The following ZBTB7C variants were observed in gnomAD, a reference collection of about 807,000 sequenced individuals.
ZBTB7C encodes zinc finger and BTB domain-containing protein 7C.
In ZBTB7C, 8 loss-of-function variants were observed where a neutral mutation model predicts 25.7. The observed-to-expected ratio is 0.31, with a 90% CI of 0.18 to 0.56. The LOEUF (loss-of-function observed/expected upper bound fraction) is 0.56, where lower values mean the gene tolerates loss of function less well. Ranked by LOEUF, ZBTB7C falls within the 20% of genes least tolerant of loss-of-function variation. The pLI, the probability that ZBTB7C is intolerant of heterozygous loss-of-function variation, is 0.91. For synonymous variants in ZBTB7C, 394 were observed against 369.0 expected (o/e 1.07, Z -0.78); for missense variants, 824 against 855.2 (o/e 0.96, Z 0.46).
At chr18:48,152,750 T>C (rs549477158) in intron 3 of ZBTB7C, among the ~76,000 whole-genome samples, 6 of 152,370 alleles carry the variant, frequency 3.9e-5, no homozygotes, top group Admixed American at 2.0e-4. Context: ...TTTCCAGAGC[T>C]GTCTCTTGCA....
intron 1 of ZBTB7C, among the ~76,000 whole-genome samples, chr18:48,407,541 C>G (rs2048308447): frequency 6.6e-6 from 1 of 152,186 alleles, no homozygotes; most frequent in Non-Finnish European, 1.5e-5. Flanking sequence ...CAAGCCCTAC[C>G]AGGCCTTGCC....
chr18:48,135,780 TC>T (rs1269165458), intron 3 of ZBTB7C, among the ~76,000 whole-genome samples: 1 of 152,170 alleles, frequency 6.6e-6, no homozygotes, highest in Non-Finnish European at 1.5e-5. Context: ...TTCTATCTCA[TC>T]TGGAGAAACT....
chr18:48,305,080 G>T (rs1324616913), intron 2 of ZBTB7C, among the ~76,000 whole-genome samples: 1 of 152,122 alleles, frequency 6.6e-6, no homozygotes, highest in African/African-American at 2.4e-5. Flanking sequence ...CCCCAGGTGC[G>T]CGGGGCCTGC....
chr18:48,185,271 C>A (rs957602394), intron 3 of ZBTB7C: 2 of 425,166 alleles, frequency 4.7e-6, no homozygotes, highest in Non-Finnish European at 9.3e-6. Flanking sequence ...CTAACCATTT[C>A]CCATCCCCAG....
intron 3 of ZBTB7C, among the ~76,000 whole-genome samples, chr18:48,118,694 G>A (rs1050234340): frequency 2.6e-5 from 4 of 152,082 alleles, no homozygotes; most frequent in Non-Finnish European, 5.9e-5. Context: ...AATAGTATGC[G>A]ACCTAAATTA....
intron 2 of ZBTB7C, among the ~76,000 whole-genome samples, chr18:48,263,183 C>G (rs1191683090): frequency 6.6e-6 from 1 of 152,230 alleles, no homozygotes; most frequent in Non-Finnish European, 1.5e-5. Flanking sequence ...GCAAGGCTTT[C>G]AGGTCTCTCC....
intron 3 of ZBTB7C, among the ~76,000 whole-genome samples, chr18:48,141,145 C>CG (rs2040334038): frequency 3.2e-5 from 4 of 124,178 alleles, no homozygotes; most frequent in Non-Finnish European, 4.9e-5. Context: ...CCCCCCGCAC[C>CG]ACCCCCCCCA....
chr18:48,043,313 T>C (rs1568171877), intron 3 of ZBTB7C, among the ~76,000 whole-genome samples: 1 of 152,210 alleles, frequency 6.6e-6, no homozygotes, highest in Admixed American at 6.5e-5. Flanking sequence ...TTGTGCACGA[T>C]AGTGAGTAAC....
intron 1 of ZBTB7C, among the ~76,000 whole-genome samples, chr18:48,393,912 T>G (rs958503168): frequency 6.6e-6 from 1 of 152,122 alleles, no homozygotes; most frequent in Non-Finnish European, 1.5e-5. Context: ...AGCATTTACT[T>G]TCTAATTGAG....
At chr18:48,375,456 G>A (rs994586714) in intron 1 of ZBTB7C, 1 of 152,282 alleles carries the variant, frequency 6.6e-6, no homozygotes, top group Non-Finnish European at 1.5e-5. Context: ...TGGGAAGCTG[G>A]TGGGTGGAAG....
At chr18:48,148,193 G>C (rs2040558766) in intron 3 of ZBTB7C, 1 of 144,246 alleles carries the variant, frequency 6.9e-6, no homozygotes, top group South Asian at 2.2e-4. Context: ...TTTTTCAGTA[G>C]AGATGGGGTT....
chr18:48,367,234 TAC>T (rs2047254872), intron 1 of ZBTB7C, among the ~76,000 whole-genome samples: 1 of 73,438 alleles, frequency 1.4e-5, no homozygotes, highest in Admixed American at 1.4e-4. Flanking sequence ...CACACACACA[TAC>T]ATACACACAC....
At chr18:48,167,650 T>C (rs1168586778) in intron 3 of ZBTB7C, among the ~76,000 whole-genome samples, 1 of 151,796 alleles carries the variant, frequency 6.6e-6, no homozygotes, top group Non-Finnish European at 1.5e-5. Context: ...TCCAAGAAGC[T>C]TTTCAAAGCA....
Position 48,040,985 on chromosome 18 carries a change from C to T in ZBTB7C, c.123G>A (p.Gln41=). 6.2e-7 allele frequency: 1 copy of T among 1,614,166 alleles called. No individual in the cohort carries two copies. The highest frequency in any genetic ancestry group is 8.5e-7 in the Non-Finnish European group (1 of 1,180,028). The stretch of plus-strand genomic sequence containing the variant: ...AGCGGTGGGTCCGATACTCCTGCTC[C>T]TGCACCACCAGGAGCACGTCACACA... ...GLLCDVLLVV[Q]EQEYRTHRSV... is the part of the protein sequence containing the mutation. Residue 41 remains glutamine (Q), a synonymous_variant, in exon 4 of 5, where the codon CAG becomes CAA. Transcript: ENST00000590800.
At chr18:48,147,958 C>G (rs953942672) in intron 3 of ZBTB7C, 14 of 151,966 alleles carry the variant, frequency 9.2e-5, no homozygotes, top group Admixed American at 7.9e-4. Context: ...ATCTTTTTCT[C>G]TCTGCCTAAC....
At chr18:48,202,719 A>G (rs1292417523) in intron 2 of ZBTB7C, among the ~76,000 whole-genome samples, 2 of 151,974 alleles carry the variant, frequency 1.3e-5, no homozygotes, top group African/African-American at 4.8e-5. Flanking sequence ...GAGGACATAG[A>G]AGGCCAGTGA....
intron 2 of ZBTB7C, among the ~76,000 whole-genome samples, chr18:48,258,483 A>T (rs1057113298): frequency 1.3e-5 from 2 of 152,190 alleles, no homozygotes; most frequent in Non-Finnish European, 2.9e-5. Context: ...AAAATATATA[A>T]AATGCTCAGT....
chr18:48,207,617 CCATCTAAAA>C (rs777895812), intron 2 of ZBTB7C, among the ~76,000 whole-genome samples: 3,594 of 136,946 alleles, frequency 0.026, 68 homozygotes, highest in Non-Finnish European at 0.042. Flanking sequence ...ATCTATCTAT[CCATCTAAAA>C]TATATTCTAT....
intron 3 of ZBTB7C, among the ~76,000 whole-genome samples, chr18:48,151,431 T>C (rs1332059135): frequency 2.0e-5 from 3 of 152,198 alleles, no homozygotes; most frequent in African/African-American, 7.2e-5. Flanking sequence ...GCCTAACATA[T>C]AGCACTAAAT....
Sources: gnomAD v4.1 joint callset for allele counts (sites outside exome capture counted in the v4.1 genomes callset) on GRCh38, gnomAD v4.1.1 for gene constraint, MANE v1.5 for transcripts, NCBI Gene and HGNC (gene_info 2026-07-23, HGNC 2026-07-21) for gene names.